Variants in COMMD10 observed in about 807,000 individuals in gnomAD.
COMMD10 encodes COMM domain containing 10, also known as COMM domain-containing protein 10.
In COMMD10, 33 loss-of-function variants were observed where a neutral mutation model predicts 28.9. That is an observed-to-expected ratio of 1.14 (90% CI 0.87 to 1.53). The LOEUF (loss-of-function observed/expected upper bound fraction) is 1.53, where lower values mean the gene tolerates loss of function less well. Among genes scored for constraint, COMMD10 ranks in the 40% most tolerant of loss-of-function variants. COMMD10 has a pLI of 0.00. For synonymous variants in COMMD10, 110 were observed against 81.7 expected (o/e 1.35, Z -1.87); for missense variants, 310 against 233.4 (o/e 1.33, Z -2.14).
At chr5:116,251,907 C>T (rs1750129862) in intron 5 of COMMD10, among the ~76,000 whole-genome samples, 2 of 151,238 alleles carry the variant, frequency 1.3e-5, no homozygotes, top group Admixed American at 6.6e-5. Context: ...GACAGTCCCA[C>T]CAACAATGTA....
intron 5 of COMMD10, among the ~76,000 whole-genome samples, chr5:116,250,160 A>C (rs1750067111): frequency 6.7e-6 from 1 of 149,640 alleles, no homozygotes; most frequent in South Asian, 2.1e-4. Flanking sequence ...GAGCTAATTC[A>C]ATCGCTGTGA....
In COMMD10 at chr5:116,292,466, G is replaced by A; in HGVS notation, c.586G>A (p.Ala196Thr). The A allele has an allele frequency of 7.1e-6, 11 of 1,559,850 alleles. No individual in the cohort carries two copies. The highest frequency in any genetic ancestry group is 9.5e-6 in the Non-Finnish European group (11 of 1,152,372). ...DFYNKLETIQ[A>T]QLDSLT The stretch of plus-strand genomic sequence containing the variant: ...TTGTAAATAGCTAGAGACTATACAA[G>A]CACAGCTGGATTCCCTTACATGATG... The change falls in exon 7 of 7, where the codon GCA becomes ACA. Residue 196 changes from alanine to threonine, a missense_variant. Transcript: ENST00000274458.
At chr5:116,257,135 A>G (rs1379980773) in intron 5 of COMMD10, among the ~76,000 whole-genome samples, 2 of 151,706 alleles carry the variant, frequency 1.3e-5, no homozygotes, top group African/African-American at 4.9e-5. Flanking sequence ...TCCTCTAGGG[A>G]TGAGGAGACC....
chr5:116,184,118 T>C (rs1421695155), intron 5 of COMMD10, among the ~76,000 whole-genome samples: 3 of 152,080 alleles, frequency 2.0e-5, no homozygotes, highest in Non-Finnish European at 4.4e-5. Flanking sequence ...AGAAGTTTTA[T>C]AGATCTCACA....
chr5:116,248,493 C>A (rs1750021515), intron 5 of COMMD10, among the ~76,000 whole-genome samples: 1 of 152,092 alleles, frequency 6.6e-6, no homozygotes, highest in Admixed American at 6.6e-5. Context: ...TAGTGCTGAT[C>A]TATGCCAGGT....
intron 5 of COMMD10, among the ~76,000 whole-genome samples, chr5:116,198,220 C>T (rs1310675003): frequency 6.6e-6 from 1 of 151,924 alleles, no homozygotes; most frequent in African/African-American, 2.4e-5. Context: ...TTTTTGTATG[C>T]CTTTTATAGG....
intron 5 of COMMD10, among the ~76,000 whole-genome samples, chr5:116,263,531 A>C (rs1053092666): frequency 4.0e-5 from 6 of 151,684 alleles, no homozygotes; most frequent in Middle Eastern, 3.2e-3. Flanking sequence ...GCGATAATCA[A>C]CTAAGAGCCA....
In COMMD10 at chr5:116,091,017, C is replaced by A; in HGVS notation, c.133-62C>A. ...ATATACGAATAAATGAATCTTCTGTCAAGTATGAATTTTGAATGCCTGAAT... is the reference window on the plus strand; with the variant it reads ...ATATACGAATAAATGAATCTTCTGTAAAGTATGAATTTTGAATGCCTGAAT... On this transcript the variant is annotated intron_variant, in intron 2 of 6. Transcript: ENST00000274458. 4.2e-6 allele frequency: 4 copies of A among 950,964 alleles called. No homozygotes were observed. The South Asian group carries it at 5.1e-5, about 12-fold the overall frequency. The allele number at this position is 950,964 out of a possible 1,614,324, so 58.9% of individuals were successfully genotyped here. A position where few individuals can be genotyped will look rare whatever the true frequency, so the allele number is the denominator to read the frequency against.
intron 5 of COMMD10, among the ~76,000 whole-genome samples, chr5:116,142,968 C>T (rs2112539995): frequency 6.6e-6 from 1 of 151,026 alleles, no homozygotes; most frequent in Middle Eastern, 3.4e-3. Context: ...TATCCTTTTT[C>T]ATTGTGATCA....
chr5:116,143,447 A>T (rs1346933926), intron 5 of COMMD10, among the ~76,000 whole-genome samples: 3 of 151,776 alleles, frequency 2.0e-5, no homozygotes, highest in Non-Finnish European at 4.4e-5. Context: ...TTTAGAATTA[A>T]AATATTGTTT....
intron 5 of COMMD10, among the ~76,000 whole-genome samples, chr5:116,263,929 C>T (rs138358894): frequency 6.6e-4 from 101 of 151,880 alleles, no homozygotes; most frequent in African/African-American, 2.1e-3. Flanking sequence ...CATGGTCGCT[C>T]ATATTTGGCT....
chr5:116,244,943 C>T (rs2112666996), intron 5 of COMMD10, among the ~76,000 whole-genome samples: 1 of 151,370 alleles, frequency 6.6e-6, no homozygotes, highest in South Asian at 2.1e-4. Flanking sequence ...CAAGAGCAAA[C>T]AAATCCCAAA....
intron 5 of COMMD10, among the ~76,000 whole-genome samples, chr5:116,193,485 A>G (rs1466329984): frequency 6.6e-6 from 1 of 152,224 alleles, no homozygotes; most frequent in Non-Finnish European, 1.5e-5. Context: ...GGAAAAAGGC[A>G]TTTCATGCAA....
intron 5 of COMMD10, among the ~76,000 whole-genome samples, chr5:116,135,209 G>GGA (rs1751992446): frequency 6.6e-6 from 1 of 152,098 alleles, no homozygotes; most frequent in South Asian, 2.1e-4. Context: ...ATCTGAGGCA[G>GGA]GAGATTACAG....
Position 116,226,596 on chromosome 5 carries a change from G to A in COMMD10, c.511-64921G>A, listed in dbSNP as rs894152231. Among the ~76,000 whole-genome samples the A allele has an allele frequency of 9.9e-5, 15 of 151,618 alleles. 1 individual carries two copies. The highest frequency in any genetic ancestry group is 1.6e-4 in the Non-Finnish European group (11 of 67,898). On this transcript the variant is annotated intron_variant, in intron 5 of 6. Coordinates refer to ENST00000274458, the MANE Select transcript of COMMD10 (RefSeq NM_016144.4). ...CGGCATTGAACTTAGTAGCAATATTGGGGGACTTGGGACTAAAAAGCACCA... is the reference window on the plus strand; with the variant it reads ...CGGCATTGAACTTAGTAGCAATATTAGGGGACTTGGGACTAAAAAGCACCA...
At chr5:116,100,448 A>C (rs1208909621) in intron 4 of COMMD10, among the ~76,000 whole-genome samples, 2 of 150,942 alleles carry the variant, frequency 1.3e-5, no homozygotes, top group African/African-American at 4.9e-5. Context: ...ATAGTCTCAG[A>C]TCTTTCATTT....
chr5:116,093,130 G>T (rs1414964638), intron 4 of COMMD10, among the ~76,000 whole-genome samples: 2 of 152,178 alleles, frequency 1.3e-5, no homozygotes, highest in Non-Finnish European at 2.9e-5. Context: ...AGATTTTACA[G>T]TAGTGCAAAA....
intron 5 of COMMD10, among the ~76,000 whole-genome samples, chr5:116,257,350 T>C (rs1233090731): frequency 6.6e-6 from 1 of 151,754 alleles, no homozygotes; most frequent in Non-Finnish European, 1.5e-5. Context: ...TAACTTGTTG[T>C]CTACTGAGTA....
At chr5:116,136,227 AG>A (rs1348386676) in intron 5 of COMMD10, among the ~76,000 whole-genome samples, 2 of 152,006 alleles carry the variant, frequency 1.3e-5, no homozygotes, top group African/African-American at 2.4e-5. Flanking sequence ...GGAAATTAGG[AG>A]GGGAAAAAGA....
Sources: allele counts gnomAD v4.1 joint callset (sites outside exome capture counted in the v4.1 genomes callset), GRCh38; gene constraint gnomAD v4.1.1; transcripts MANE v1.5; gene names NCBI Gene and HGNC (gene_info 2026-07-23, HGNC 2026-07-21).